TBC1D9: variants seen among roughly 807,000 people sequenced by gnomAD.
The protein encoded by TBC1D9 is TBC1 domain family member 9A.
In TBC1D9, 63 loss-of-function variants were observed where a neutral mutation model predicts 132.0. The observed-to-expected ratio is 0.48, with a 90% CI of 0.39 to 0.59. The LOEUF (loss-of-function observed/expected upper bound fraction) is 0.59. Ranked by LOEUF, TBC1D9 falls within the 20% of genes least tolerant of loss-of-function variation. The pLI is 0.00. For synonymous variants in TBC1D9, 610 were observed against 609.9 expected (o/e 1.00, Z 0.00); for missense variants, 1,261 against 1,592.7 (o/e 0.79, Z 3.54).
At position 140,622,748 on chromosome 4, in the gene TBC1D9, C is replaced by T; in HGVS notation, c.3248G>A (p.Ser1083Asn). ...QPAKEGGSGG[S>N]GPSCHQGIPG... ...GATGCCCTGGTGGCAGGACGGCCCA[C>T]TGCCTCCGCTCCCGCCCTCCTTTGC... is the stretch of plus-strand genomic sequence containing the variant. The change falls in exon 21 of 21, where the codon AGT (serine) becomes AAT (asparagine). Residue 1083 changes from serine (S) to asparagine (N), a missense_variant. Ser to Asn is a conservative substitution (Grantham distance 46). Around this residue, in one of 3 missense-constraint regions of TBC1D9, gnomAD observed 618 missense variants for 724.4 expected, o/e 0.85. Coordinates refer to ENST00000442267, the MANE Select transcript of TBC1D9 (RefSeq NM_015130.3). 1 of 1,606,744 alleles carries T rather than the reference C, an allele frequency of 6.2e-7. No individual in the cohort carries two copies. Among genetic ancestry groups the T allele is most frequent in the East Asian group, 2.2e-5 (1 of 44,880 alleles).
At chr4:140,642,540 G>T in intron 13 of TBC1D9, 1 of 1,145,312 alleles carries the variant, frequency 8.7e-7, no homozygotes, top group Non-Finnish European at 1.3e-6. Context: ...CCTGCTTGGT[G>T]AGGGAGAGGG....
chr4:140,746,107 C>T (rs1560903173), intron 1 of TBC1D9, among the ~76,000 whole-genome samples: 1 of 152,178 alleles, frequency 6.6e-6, no homozygotes, highest in Admixed American at 6.5e-5. Flanking sequence ...TGCCTATGTT[C>T]TCAAATCTCC....
chr4:140,728,964 G>A (rs546443245), intron 1 of TBC1D9, among the ~76,000 whole-genome samples: 5 of 152,158 alleles, frequency 3.3e-5, no homozygotes, highest in South Asian at 4.1e-4. Context: ...GGACCAGGTC[G>A]AAATCTACTT....
chr4:140,734,623 T>C (rs1413575114), intron 1 of TBC1D9, among the ~76,000 whole-genome samples: 2 of 152,074 alleles, frequency 1.3e-5, no homozygotes, highest in Non-Finnish European at 2.9e-5. Flanking sequence ...GAGACCCCCA[T>C]CTCTACAAAA....
Position 140,679,175 on chromosome 4 carries a change from G to A in TBC1D9, c.618C>T (p.Ile206=), listed in dbSNP as rs773089495. The A allele has an allele frequency of 6.2e-7, 1 of 1,613,772 alleles. No homozygotes were observed. Among genetic ancestry groups the A allele is most frequent in the South Asian group, 1.1e-5 (1 of 91,064 alleles). ...EAKLVIRWVD[I]TQLEKNATLL... is the part of the protein sequence containing the mutation. ...GGGTGGCATTCTTCTCAAGCTGAGT[G>A]ATGTCTACCCACCGGATGACCAGTT... Residue 206 remains isoleucine, a synonymous_variant, in exon 5 of 21, where the codon ATC becomes ATT. Transcript: ENST00000442267.
intron 1 of TBC1D9, among the ~76,000 whole-genome samples, chr4:140,734,784 A>G (rs1738648640): frequency 6.6e-6 from 1 of 152,186 alleles, no homozygotes; most frequent in South Asian, 2.1e-4. Context: ...TGACAGAGCA[A>G]GACCCTGTCT....
chr4:140,703,500 G>C (rs1056688828), intron 1 of TBC1D9, among the ~76,000 whole-genome samples: 4 of 152,132 alleles, frequency 2.6e-5, no homozygotes, highest in African/African-American at 9.7e-5. Flanking sequence ...TGTGGAGTGG[G>C]ACAGGCCATT....
At chr4:140,640,743 A>C (rs56113808) in intron 13 of TBC1D9, among the ~76,000 whole-genome samples, 35,397 of 151,994 alleles carry the variant, frequency 0.23, 5,618 homozygotes, top group African/African-American at 0.45. Context: ...GTAAAGATAT[A>C]GTGCAACCAA....
chr4:140,722,314 C>A (rs1738437444), intron 1 of TBC1D9, among the ~76,000 whole-genome samples: 1 of 152,178 alleles, frequency 6.6e-6, no homozygotes, highest in South Asian at 2.1e-4. Flanking sequence ...ATGTAAACTG[C>A]AACCAAGTGT....
At chr4:140,703,715 G>A (rs1346706552) in intron 1 of TBC1D9, among the ~76,000 whole-genome samples, 3 of 151,852 alleles carry the variant, frequency 2.0e-5, no homozygotes, top group Non-Finnish European at 4.4e-5. Context: ...CAACATACCA[G>A]GAAAAAAACA....
chr4:140,749,174 T>G (rs1376375351), intron 1 of TBC1D9, among the ~76,000 whole-genome samples: 1 of 151,836 alleles, frequency 6.6e-6, no homozygotes, highest in Non-Finnish European at 1.5e-5. Context: ...GAGACCAGCC[T>G]GGGCAACATA....
At chr4:140,641,580 A>G (rs1736995697) in intron 13 of TBC1D9, among the ~76,000 whole-genome samples, 2 of 151,702 alleles carry the variant, frequency 1.3e-5, no homozygotes, top group East Asian at 3.9e-4. Flanking sequence ...GAGCCTGACC[A>G]CAGCCTGGGG....
At chr4:140,738,753 C>T (rs1738714982) in intron 1 of TBC1D9, among the ~76,000 whole-genome samples, 1 of 152,106 alleles carries the variant, frequency 6.6e-6, no homozygotes, top group Admixed American at 6.5e-5. Context: ...TGTCCAATGC[C>T]CTCTTAATTT....
chr4:140,730,884 T>C (rs1738579845), intron 1 of TBC1D9, among the ~76,000 whole-genome samples: 1 of 152,196 alleles, frequency 6.6e-6, no homozygotes, highest in Admixed American at 6.5e-5. Context: ...CCTGCAGATA[T>C]ACCTTCTTAC....
intron 1 of TBC1D9, chr4:140,715,701 G>C (rs1273068295): frequency 6.6e-6 from 1 of 152,204 alleles, no homozygotes; most frequent in East Asian, 1.9e-4. Flanking sequence ...GCAAGGGAGA[G>C]ATACAGTAGC....
chr4:140,622,662 G>T lies in TBC1D9; in HGVS notation c.3334C>A (p.Pro1112Thr), dbSNP rs759720046. The change falls in exon 21 of 21, where the codon CCC (proline) becomes ACC (threonine). Residue 1112 changes from proline (P) to threonine (T), a missense_variant. Pro to Thr is a conservative substitution (Grantham distance 38, BLOSUM62 -1). Transcript: ENST00000442267. ...TCGGGGGCCAGGCTGGCCGGCAGGG[G>T]CTCAACAGACTCCACCACGTAAGGC... ...GQPYVVESVEPLPASLAPDSE... is the reference protein window; with the variant it reads ...GQPYVVESVETLPASLAPDSE... 75 of 1,610,378 alleles carry T rather than the reference G, an allele frequency of 4.7e-5. No individual in the cohort carries two copies. Among genetic ancestry groups the T allele is most frequent in the Non-Finnish European group, 5.9e-5 (70 of 1,178,166 alleles).
chr4:140,691,300 G>T (rs1180613690), intron 2 of TBC1D9, among the ~76,000 whole-genome samples: 1 of 152,172 alleles, frequency 6.6e-6, no homozygotes, highest in East Asian at 1.9e-4. Flanking sequence ...TTAAAAACCT[G>T]AGACTCCAAA....
intron 1 of TBC1D9, among the ~76,000 whole-genome samples, chr4:140,713,225 G>A (rs555045172): frequency 9.9e-5 from 15 of 151,930 alleles, no homozygotes; most frequent in Non-Finnish European, 2.1e-4. Context: ...GGTGTGAGCC[G>A]CCTCATGGGC....
At chr4:140,635,359 G>A (rs1736861785) in intron 15 of TBC1D9, among the ~76,000 whole-genome samples, 1 of 152,116 alleles carries the variant, frequency 6.6e-6, no homozygotes, top group Non-Finnish European at 1.5e-5. Context: ...GCACATGCCT[G>A]TAGTCCCAGC....
Sources: gnomAD v4.1 joint callset for allele counts (sites outside exome capture counted in the v4.1 genomes callset) on GRCh38, gnomAD v4.1.1 for gene constraint, gnomAD v4.1.1 regional missense constraint, MANE v1.5 for transcripts, NCBI Gene and HGNC (gene_info 2026-07-23, HGNC 2026-07-21) for gene names.